BNIPL: variants seen among roughly 807,000 people sequenced by gnomAD.
The protein encoded by BNIPL is bcl-2/adenovirus E1B 19 kDa-interacting protein 2-like protein.
A neutral mutation model predicts 47.0 loss-of-function variants in BNIPL; 33 were observed. That is an observed-to-expected ratio of 0.70 (90% CI 0.53 to 0.94). The LOEUF is 0.94. BNIPL is among the 40% of genes least tolerant of loss of function. The pLI, the probability that BNIPL is intolerant of heterozygous loss-of-function variation, is 0.00. For synonymous variants in BNIPL, 145 were observed against 162.7 expected (o/e 0.89, Z 0.83); for missense variants, 404 against 445.2 (o/e 0.91, Z 0.83).
rs41266606 is a variant in BNIPL, at chr1:151,047,175, T to C, written c.*488T>C. The C allele has an allele frequency of 2.6e-3, 402 of 154,148 alleles. No homozygotes were observed. The highest frequency in any genetic ancestry group is 4.4e-3 in the Non-Finnish European group (306 of 69,246). 9.5% of individuals were successfully genotyped at this position (154,148 alleles called of 1,614,324 possible). On this transcript the variant is annotated 3_prime_UTR_variant, in exon 10 of 10. Transcript: ENST00000368931. ...CGGGGTTTCACCATGTTGGCCAGGATGGTCTCGATCTCTTGACCTCGTGAT... is the reference window on the plus strand; with the variant it reads ...CGGGGTTTCACCATGTTGGCCAGGACGGTCTCGATCTCTTGACCTCGTGAT...
intron 4 of BNIPL, among the ~76,000 whole-genome samples, chr1:151,039,662 G>A (rs1037755741): frequency 6.6e-5 from 10 of 152,194 alleles, no homozygotes; most frequent in Admixed American, 5.9e-4. Context: ...GCTGGGTTAA[G>A]TAGAAAAAGG....
chr1:151,044,741 C>T (rs1675945995), intron 7 of BNIPL: 1 of 1,144,898 alleles, frequency 8.7e-7, no homozygotes, highest in African/African-American at 1.6e-5. Context: ...AGGTGTGAGC[C>T]ACTGTGCCTG....
chr1:151,038,743 C>T (rs1020838052), intron 3 of BNIPL, 53 bp from the exon 4 acceptor site: 106 of 1,552,118 alleles, frequency 6.8e-5, no homozygotes, highest in South Asian at 4.0e-4. Context: ...CTAGCCCTCT[C>T]GGCTCTCCAA....
rs150334158 is a variant in BNIPL, at chr1:151,038,599, C to T, written c.202+31C>T. 5,865 of 1,607,696 alleles carry T rather than the reference C, an allele frequency of 3.6e-3. 19 individuals carry two copies. Among genetic ancestry groups the T allele is most frequent in the Non-Finnish European group, 4.1e-3 (4,854 of 1,174,302 alleles). On this transcript the variant is annotated intron_variant, in intron 3 of 9. Transcript: ENST00000368931. ...TCAAGTAGAAACCAGGCCTCAAGTT[C>T]TTGATTCTAGTCCAGTAAAGGGCTA...
chr1:151,045,293 C>T (rs1277397739), intron 7 of BNIPL, among the ~76,000 whole-genome samples: 1 of 127,536 alleles, frequency 7.8e-6, no homozygotes, highest in Non-Finnish European at 1.6e-5. Flanking sequence ...AAAAAAAATC[C>T]GGGCGCGATG....
intron 9 of BNIPL, among the ~76,000 whole-genome samples, 196 bp downstream of exon 9, chr1:151,046,361 GAA>G (rs75037716): frequency 9.2e-5 from 12 of 130,844 alleles, no homozygotes; most frequent in African/African-American, 2.7e-4. Flanking sequence ...AAGAATAAAT[GAA>G]AAAAAAAAAA....
At position 151,036,677 on chromosome 1, in the gene BNIPL, C is replaced by A; in HGVS notation, c.-49C>A. The A allele has an allele frequency of 6.5e-7, 1 of 1,541,886 alleles. No individual in the cohort carries two copies. Among genetic ancestry groups the A allele is most frequent in the Non-Finnish European group, 9.0e-7 (1 of 1,114,612 alleles). The stretch of plus-strand genomic sequence containing the variant: ...TGTTGGGGGCTGGGACAACCAGCTC[C>A]CCAACAACTCCTAGGTGTTTAAAGA... On this transcript the variant is annotated 5_prime_UTR_variant, in exon 1 of 10. Coordinates refer to ENST00000368931, the MANE Select transcript of BNIPL (RefSeq NM_138278.4).
chr1:151,039,805 G>T (rs1675756214), intron 4 of BNIPL, among the ~76,000 whole-genome samples: 1 of 152,118 alleles, frequency 6.6e-6, no homozygotes, highest in Admixed American at 6.6e-5. Flanking sequence ...GGCTAGAGTA[G>T]AGTGGTGTGA....
chr1:151,043,077 A>C lies in BNIPL; in HGVS notation c.555A>C (p.Pro185=), dbSNP rs1675886929. 6.2e-7 allele frequency: 1 copy of C among 1,611,914 alleles called. No individual in the cohort carries two copies. The highest frequency in any genetic ancestry group is 1.1e-5 in the South Asian group (1 of 90,628). The change falls in exon 5 of 10, where the codon CCA becomes CCC. Residue 185 remains proline (P), a synonymous_variant. Transcript: ENST00000368931. The stretch of plus-strand genomic sequence containing the variant: ...ACTGGAGGGTGTTCCGAATGGGACC[A>C]CGGGAGCAGCGCGTAGACATGACTG... ...GHHWRVFRMG[P]REQRVDMTVI...
chr1:151,038,638 C>T, intron 3 of BNIPL, 70 bp downstream of exon 3: 2 of 1,593,230 alleles, frequency 1.3e-6, no homozygotes, highest in South Asian at 2.2e-5. Context: ...CACCTCTATC[C>T]TTTTACAGTT....
chr1:151,037,847 A>G (rs1202735418), intron 2 of BNIPL, among the ~76,000 whole-genome samples, 185 bp downstream of exon 2: 4 of 151,698 alleles, frequency 2.6e-5, no homozygotes, highest in African/African-American at 9.7e-5. Flanking sequence ...CTAAAAATAC[A>G]AAATTAGCCA....
intron 4 of BNIPL, among the ~76,000 whole-genome samples, chr1:151,041,454 C>T (rs1675821266): frequency 6.6e-6 from 1 of 152,048 alleles, no homozygotes; most frequent in African/African-American, 2.4e-5. Context: ...TTCTCACTAG[C>T]CAGGCATGCT....
chr1:151,047,687 C>A lies in BNIPL; in HGVS notation c.*1000C>A, dbSNP rs1042084243. On this transcript the variant is annotated 3_prime_UTR_variant, in exon 10 of 10. Coordinates refer to ENST00000368931, the MANE Select transcript of BNIPL (RefSeq NM_138278.4). Reference sequence around the variant, plus strand: ...CCGCAGAGGTTCCTTAGGAGCACCCCGCGCGGCCCGCGCGAGCGCGCCTGC... The same window carrying A: ...CCGCAGAGGTTCCTTAGGAGCACCCAGCGCGGCCCGCGCGAGCGCGCCTGC... The A allele has an allele frequency of 1.6e-6, 2 of 1,251,566 alleles. No individual in the cohort carries two copies. 77.5% of individuals were successfully genotyped at this position (1,251,566 alleles called of 1,614,324 possible).
chr1:151,044,998 C>T, intron 7 of BNIPL: 1 of 1,260,134 alleles, frequency 7.9e-7, no homozygotes, highest in Non-Finnish European at 1.0e-6. Context: ...GGCGCGGTGG[C>T]TCACGTCTGT....
intron 4 of BNIPL, among the ~76,000 whole-genome samples, chr1:151,042,257 T>C (rs999138361): frequency 1.3e-5 from 2 of 151,786 alleles, no homozygotes; most frequent in Admixed American, 6.6e-5. Context: ...GTTGTTGTTA[T>C]TGTTTTGTAA....
At chr1:151,039,584 A>G (rs2091219) in intron 4 of BNIPL, among the ~76,000 whole-genome samples, 90,668 of 151,914 alleles carry the variant, frequency 0.6, 29,267 homozygotes, top group East Asian at 0.88. Context: ...GGGGAATTCA[A>G]AGTATGAGCA....
At chr1:151,040,277 T>C (rs1675771481) in intron 4 of BNIPL, among the ~76,000 whole-genome samples, 1 of 152,110 alleles carries the variant, frequency 6.6e-6, no homozygotes, top group South Asian at 2.1e-4. Flanking sequence ...CCTCCTAGGC[T>C]CAAGCAATCC....
intron 7 of BNIPL, among the ~76,000 whole-genome samples, chr1:151,045,185 T>C (rs1209447369): frequency 7.3e-6 from 1 of 136,314 alleles, no homozygotes; most frequent in African/African-American, 2.8e-5. Context: ...GGAGAATCAC[T>C]TGAACCCGGG....
chr1:151,044,936 C>T (rs756680343), intron 7 of BNIPL: 10 of 1,289,806 alleles, frequency 7.8e-6, no homozygotes, highest in East Asian at 1.1e-4. Flanking sequence ...AAGGAACTTA[C>T]GCGAGGGTAG....
Sources: allele counts gnomAD v4.1 joint callset (sites outside exome capture counted in the v4.1 genomes callset), GRCh38; gene constraint gnomAD v4.1.1; transcripts MANE v1.5; gene names NCBI Gene and HGNC (gene_info 2026-07-23, HGNC 2026-07-21).